The following EGFLAM variants were observed in gnomAD, a reference collection of about 807,000 sequenced individuals.
EGFLAM encodes the protein pikachurin.
In EGFLAM, 79 loss-of-function variants were observed where a neutral mutation model predicts 113.1. The ratio of observed to expected loss-of-function variants is 0.70; its 90% confidence interval spans 0.58 to 0.84. The LOEUF is 0.84. EGFLAM is among the 40% of genes least tolerant of loss of function. The pLI, the probability that EGFLAM is intolerant of heterozygous loss-of-function variation, is 0.00. For missense variants in EGFLAM, 1,265 were observed against 1,291.6 expected (o/e 0.98, Z 0.32); for synonymous variants, 504 against 487.6 (o/e 1.03, Z -0.44).
intron 5 of EGFLAM, among the ~76,000 whole-genome samples, chr5:38,360,519 A>T (rs1739891537): frequency 6.6e-6 from 1 of 152,216 alleles, no homozygotes; most frequent in Non-Finnish European, 1.5e-5. Flanking sequence ...ATTGCGTAAC[A>T]CACAGGCTCT....
chr5:38,399,866 G>A (rs925204087), intron 6 of EGFLAM: 2 of 152,214 alleles, frequency 1.3e-5, no homozygotes, highest in African/African-American at 2.4e-5. Flanking sequence ...ACCTCCTACA[G>A]GAGAACACAA....
At chr5:38,358,423 G>C (rs1739823796) in intron 5 of EGFLAM, among the ~76,000 whole-genome samples, 1 of 133,548 alleles carries the variant, frequency 7.5e-6, no homozygotes, top group Non-Finnish European at 1.5e-5. Context: ...CTCCAGCCTG[G>C]GCGACAGAGC....
chr5:38,462,971 C>T lies in EGFLAM; in HGVS notation c.2835C>T (p.Gly945=), dbSNP rs779404534. Residue 945 remains glycine, a synonymous_variant, in exon 21 of 22, where the codon GGC becomes GGT. Transcript: ENST00000322350. The stretch of plus-strand genomic sequence containing the variant: ...GAGCCAGAACAGGCAAATCCCCAGG[C>T]ATGATGCGGCAGCTTAACATCAATG... ...DYGARTGKSP[G]MMRQLNINGA... The T allele has an allele frequency of 7.4e-6, 12 of 1,614,008 alleles. No individual in the cohort carries two copies.
In EGFLAM at chr5:38,332,925, C is replaced by T. The variant is rs148181743; in HGVS notation, c.98-4595C>T. On this transcript the variant is annotated intron_variant, in intron 1 of 21. Transcript: ENST00000322350. ...GTGCTACAGAGATTTTGTTTATGGCCGGTTTTGGGGCCAGTTTATGGCCAG... is the reference window on the plus strand; with the variant it reads ...GTGCTACAGAGATTTTGTTTATGGCTGGTTTTGGGGCCAGTTTATGGCCAG... Among the ~76,000 whole-genome samples the T allele has an allele frequency of 3.0e-3, 454 of 152,274 alleles. 1 individual carries two copies. The highest frequency in any genetic ancestry group is 6.8e-3 in the Middle Eastern group (2 of 294).
chr5:38,321,293 C>T (rs1738733847), intron 1 of EGFLAM, among the ~76,000 whole-genome samples: 1 of 152,144 alleles, frequency 6.6e-6, no homozygotes, highest in African/African-American at 2.4e-5. Context: ...TCTAATGCTG[C>T]TGATCTGACA....
chr5:38,370,164 T>C (rs1740166517), intron 5 of EGFLAM, 132 bp from the exon 6 acceptor site: 5 of 893,176 alleles, frequency 5.6e-6, no homozygotes, highest in Non-Finnish European at 8.3e-6. Flanking sequence ...TACTTTCAGA[T>C]AGGAAATGTT....
chr5:38,462,984 C>T lies in EGFLAM; in HGVS notation c.2848C>T (p.Leu950Phe), dbSNP rs953112738. 1.9e-6 allele frequency: 3 copies of T among 1,614,090 alleles called. No homozygotes were observed. Among genetic ancestry groups the T allele is most frequent in the Non-Finnish European group, 2.5e-6 (3 of 1,179,980 alleles). ...TGKSPGMMRQ[L>F]NINGALYVGG... The stretch of plus-strand genomic sequence containing the variant: ...CAAATCCCCAGGCATGATGCGGCAG[C>T]TTAACATCAATGGAGCTCTGTATGT... The change falls in exon 21 of 22, where the codon CTT becomes TTT. Residue 950 changes from leucine (L) to phenylalanine (F), a missense_variant. By Grantham distance (22) the Leu-to-Phe change is conservative. Transcript: ENST00000322350.
chr5:38,391,926 AC>A (rs1740823462), intron 6 of EGFLAM, among the ~76,000 whole-genome samples: 1 of 151,382 alleles, frequency 6.6e-6, no homozygotes, highest in Non-Finnish European at 1.5e-5. Flanking sequence ...ACAGGCGCCC[AC>A]CACCACACTC....
At chr5:38,314,414 C>T (rs904404351) in intron 1 of EGFLAM, among the ~76,000 whole-genome samples, 3 of 152,120 alleles carry the variant, frequency 2.0e-5, no homozygotes, top group South Asian at 4.2e-4. Context: ...AGAGAGGGTC[C>T]GGCAGAGCCA....
intron 17 of EGFLAM, among the ~76,000 whole-genome samples, chr5:38,443,214 C>T (rs923955245): frequency 1.3e-5 from 2 of 152,238 alleles, no homozygotes; most frequent in South Asian, 2.1e-4. Context: ...TGCAGTAAGC[C>T]GAGATCGTGC....
intron 1 of EGFLAM, among the ~76,000 whole-genome samples, chr5:38,328,241 C>G (rs1175357737): frequency 6.6e-6 from 1 of 152,122 alleles, no homozygotes; most frequent in Non-Finnish European, 1.5e-5. Flanking sequence ...GTGCCTTACA[C>G]TTTTATTAAA....
chr5:38,345,097 C>T (rs1739441349), intron 3 of EGFLAM, among the ~76,000 whole-genome samples: 1 of 152,160 alleles, frequency 6.6e-6, no homozygotes, highest in African/African-American at 2.4e-5. Context: ...GTTAGTGATG[C>T]TGTGTCTACG....
intron 6 of EGFLAM, among the ~76,000 whole-genome samples, chr5:38,382,957 T>C (rs1740552009): frequency 6.6e-6 from 1 of 152,130 alleles, no homozygotes; most frequent in Non-Finnish European, 1.5e-5. Context: ...CCTTAGGGAG[T>C]GCAGGGGCAT....
Position 38,397,023 on chromosome 5 carries a change from T to A in EGFLAM, c.713-9103T>A, listed in dbSNP as rs77712831. Among the ~76,000 whole-genome samples, 701 of 152,290 alleles carry A rather than the reference T, an allele frequency of 4.6e-3. 4 individuals carry two copies. The highest frequency in any genetic ancestry group is 0.016 in the African/African-American group (670 of 41,562). On this transcript the variant is annotated intron_variant, in intron 6 of 21. Coordinates refer to ENST00000322350, the MANE Select transcript of EGFLAM (RefSeq NM_152403.4). ...ACACCCCACAGGGGTTATGCACCAT[T>A]TGCGCTTCTGCTGTGTGGATGTGCA...
chr5:38,275,786 G>A (rs948452386), intron 1 of EGFLAM, among the ~76,000 whole-genome samples: 1 of 152,114 alleles, frequency 6.6e-6, no homozygotes, highest in African/African-American at 2.4e-5. Context: ...ACTGCACATG[G>A]AACATTCTTC....
intron 6 of EGFLAM, among the ~76,000 whole-genome samples, chr5:38,386,484 C>T (rs943300972): frequency 2.6e-5 from 4 of 151,892 alleles, no homozygotes; most frequent in African/African-American, 7.2e-5. Flanking sequence ...TGAGCCACTG[C>T]GCCCAGCCCA....
intron 6 of EGFLAM, among the ~76,000 whole-genome samples, chr5:38,392,357 A>G (rs1271633840): frequency 6.6e-6 from 1 of 152,170 alleles, no homozygotes; most frequent in Non-Finnish European, 1.5e-5. Flanking sequence ...CCACTCTGTC[A>G]TTGATGGGCA....
intron 15 of EGFLAM, among the ~76,000 whole-genome samples, chr5:38,431,605 A>C (rs1056065372): frequency 2.6e-5 from 4 of 152,178 alleles, no homozygotes; most frequent in Admixed American, 6.5e-5. Flanking sequence ...TACAGCAAGT[A>C]GTAGGTAAGA....
rs1014241624 is a variant in EGFLAM at position 38,393,924 on chromosome 5, G to T, written c.713-12202G>T. Among the ~76,000 whole-genome samples, 4 of 152,316 alleles carry T rather than the reference G, an allele frequency of 2.6e-5. No homozygotes were observed. In the South Asian group the frequency reaches 8.3e-4, roughly 32 times the overall value. Reference sequence around the variant, plus strand: ...ATCAGGTCACACAAACTGTTTGAAAGGTGATGAATACAGAAGACTTCATTG... The same window carrying T: ...ATCAGGTCACACAAACTGTTTGAAATGTGATGAATACAGAAGACTTCATTG... On this transcript the variant is annotated intron_variant, in intron 6 of 21. Transcript: ENST00000322350.
Sources: gnomAD v4.1 joint callset for allele counts (sites outside exome capture counted in the v4.1 genomes callset) on GRCh38, gnomAD v4.1.1 for gene constraint, MANE v1.5 for transcripts, NCBI Gene and HGNC (gene_info 2026-07-23, HGNC 2026-07-21) for gene names.